PITPNM2: variants seen among roughly 807,000 people sequenced by gnomAD.
PITPNM2 encodes the protein phosphatidylinositol transfer protein membrane associated 2, also known as membrane-associated phosphatidylinositol transfer protein 2.
PITPNM2 carries 35 observed loss-of-function variants against 132.2 expected under a neutral mutation model. The observed-to-expected ratio is 0.26, with a 90% confidence interval of 0.20 to 0.35. The LOEUF (loss-of-function observed/expected upper bound fraction) is 0.35, where lower values mean the gene tolerates loss of function less well. PITPNM2 is among the 10% of genes least tolerant of loss of function. PITPNM2 has a pLI of 1.00. For synonymous variants in PITPNM2, 738 were observed against 799.2 expected, an observed-to-expected ratio of 0.92 and a Z score of 1.29; for missense variants, 1,332 against 1,912.0, an observed-to-expected ratio of 0.70 and a Z score of 5.66.
intron 3 of PITPNM2, among the ~76,000 whole-genome samples, chr12:123,032,591 G>A (rs1368903632): frequency 6.6e-6 from 1 of 152,200 alleles, no homozygotes; most frequent in Non-Finnish European, 1.5e-5. Flanking sequence ...GGGGCTGGAG[G>A]TCAGTCCTCC....
intron 2 of PITPNM2, among the ~76,000 whole-genome samples, chr12:123,073,749 T>C (rs904882813): frequency 6.6e-6 from 1 of 152,220 alleles, no homozygotes; most frequent in Admixed American, 6.5e-5. Context: ...TTTTCCACAG[T>C]GTAGAGTGGC....
rs915072521 is a variant in PITPNM2, at chr12:123,064,965, C to T, written c.-95-30280G>A. 5.9e-5 allele frequency among the ~76,000 whole-genome samples: 9 copies of T among 152,240 alleles called. No individual in the cohort carries two copies. The highest frequency in any genetic ancestry group is 5.9e-4 in the Admixed American group (9 of 15,292). Reference sequence around the variant, plus strand: ...GAGGTGACAGTGAGGCACTGGGCACCTGAGATGTCCTCAGCCTGGGCCTGC... The same window carrying T: ...GAGGTGACAGTGAGGCACTGGGCACTTGAGATGTCCTCAGCCTGGGCCTGC... On this transcript the variant is annotated intron_variant, in intron 2 of 25. Transcript: ENST00000320201. The surrounding 1 kb of genome is among the most constrained non-coding windows in gnomAD (Gnocchi z 4.0).
chr12:122,998,197 C>T lies in PITPNM2; in HGVS notation c.1225-625G>A, dbSNP rs554637442. On this transcript the variant is annotated intron_variant, in intron 10 of 25. Transcript: ENST00000320201. ...CCTAAGGCCCTGCCATTCCTGGCCTCTCTCTAAGACCAGGGTCTCCAAAAG... is the reference window on the plus strand; with the variant it reads ...CCTAAGGCCCTGCCATTCCTGGCCTTTCTCTAAGACCAGGGTCTCCAAAAG... Among the ~76,000 whole-genome samples, 3 of 152,360 alleles carry T rather than the reference C, an allele frequency of 2.0e-5. No homozygotes were observed. In the East Asian group the frequency reaches 5.8e-4, roughly 29 times the overall value.
rs1164106880 is a variant in PITPNM2, at chr12:123,008,095, G to A, written c.643+1755C>T. On this transcript the variant is annotated intron_variant, in intron 6 of 25. Transcript: ENST00000320201. The surrounding 1 kb of genome is among the most constrained non-coding windows in gnomAD (Gnocchi z 4.1). ...GAGAAAAGCAAAGCTCAGTGAGGCT[G>A]AGAGACCACAGAGCCACTACGTGTG... Among the ~76,000 whole-genome samples the A allele has an allele frequency of 1.3e-5, 2 of 152,228 alleles. No homozygotes were observed. Among genetic ancestry groups the A allele is most frequent in the Admixed American group, 1.3e-4 (2 of 15,288 alleles).
rs2042775463 is a variant in PITPNM2, at chr12:123,108,825, G to A, written c.-96+1560C>T. Among the ~76,000 whole-genome samples, 1 of 152,152 alleles carries A rather than the reference G, an allele frequency of 6.6e-6. No individual in the cohort carries two copies. The highest frequency in any genetic ancestry group is 2.4e-5 in the African/African-American group (1 of 41,436). ...CAACGTGCCCTATCTTCCCAGCAAG[G>A]ATGAGGGCACCCGGAGAAGGGAAGG... On this transcript the variant is annotated intron_variant, in intron 2 of 25. Transcript: ENST00000320201. This position sits in a 1 kb window ranked among gnomAD's most constrained non-coding sequence, Gnocchi z 4.4.
In PITPNM2 at chr12:122,992,759, T is replaced by G; in HGVS notation, c.2234-90A>C. The stretch of plus-strand genomic sequence containing the variant: ...AATTTGGGAACTGGGCACTGGGTTG[T>G]CTGCTGAAAGTTAGGGATAAGATGG... On this transcript the variant is annotated intron_variant, in intron 15 of 25. Coordinates refer to ENST00000320201, the MANE Select transcript of PITPNM2 (RefSeq NM_020845.3). This position sits in a 1 kb window ranked among gnomAD's most constrained non-coding sequence, Gnocchi z 6.5. The G allele has an allele frequency of 9.5e-7, 1 of 1,057,528 alleles. No individual in the cohort carries two copies. The highest frequency in any genetic ancestry group is 1.4e-6 in the Non-Finnish European group (1 of 732,094). The allele number at this position is 1,057,528 out of a possible 1,614,324, so 65.5% of individuals were successfully genotyped here. A position where few individuals can be genotyped will look rare whatever the true frequency, so the allele number is the denominator to read the frequency against.
intron 1 of PITPNM2, among the ~76,000 whole-genome samples, chr12:123,145,073 A>G (rs1378239511): frequency 6.6e-6 from 1 of 152,112 alleles, no homozygotes; most frequent in Non-Finnish European, 1.5e-5. Context: ...GCTACTCAGG[A>G]GGCTGAGGCA....
At position 123,000,193 on chromosome 12, in the gene PITPNM2, G is replaced by C; in HGVS notation, c.1224+585C>G. Reference sequence around the variant, plus strand: ...GGTGACCGCAGGTGATGGTGGGACAGCCCAGCTCAGCCCTGGCTCCTGTCC... The same window carrying C: ...GGTGACCGCAGGTGATGGTGGGACACCCCAGCTCAGCCCTGGCTCCTGTCC... On this transcript the variant is annotated intron_variant, in intron 10 of 25. Transcript: ENST00000320201. The surrounding 1 kb of genome is among the most constrained non-coding windows in gnomAD (Gnocchi z 5.4). 2 of 584,596 alleles carry C rather than the reference G, an allele frequency of 3.4e-6. No individual in the cohort carries two copies. The highest frequency in any genetic ancestry group is 6.1e-6 in the Non-Finnish European group (2 of 328,536). 36.2% of individuals were successfully genotyped at this position (584,596 alleles called of 1,614,324 possible). A position where few individuals can be genotyped will look rare whatever the true frequency, so the allele number is the denominator to read the frequency against.
At position 123,008,470 on chromosome 12, in the gene PITPNM2, A is replaced by G. The variant is rs2039034512; in HGVS notation, c.643+1380T>C. Among the ~76,000 whole-genome samples, 1 of 152,118 alleles carries G rather than the reference A, an allele frequency of 6.6e-6. No individual in the cohort carries two copies. The highest frequency in any genetic ancestry group is 2.4e-5 in the African/African-American group (1 of 41,408). On this transcript the variant is annotated intron_variant, in intron 6 of 25. Transcript: ENST00000320201. This position sits in a 1 kb window ranked among gnomAD's most constrained non-coding sequence, Gnocchi z 4.1. ...GGGAGCCCCTCCCAGTCCTGCCCAC[A>G]TGCTCCTCCACTCCTCATATTGCCT...
intron 2 of PITPNM2, among the ~76,000 whole-genome samples, chr12:123,102,784 A>AG (rs1325232848): frequency 6.6e-6 from 1 of 152,232 alleles, no homozygotes; most frequent in East Asian, 1.9e-4. Context: ...CAATGAGAGG[A>AG]CACCCCACAG....
At position 123,110,443 on chromosome 12, in the gene PITPNM2, AG is replaced by A. The variant is rs1457231111; in HGVS notation, c.-155del. The A allele has an allele frequency of 3.9e-5, 6 of 152,322 alleles. No homozygotes were observed. Among genetic ancestry groups the A allele is most frequent in the African/African-American group, 1.4e-4 (6 of 41,436 alleles). The allele number at this position is 152,322 out of a possible 1,614,324, so 9.4% of individuals were successfully genotyped here. A position where few individuals can be genotyped will look rare whatever the true frequency, so the allele number is the denominator to read the frequency against. ...GTCAAAGGAGGAGAAATGGGTCCCT[AG>A]GCTCACAGAAGGTTGTTGAGGACCA... On this transcript the variant is annotated 5_prime_UTR_variant, in exon 2 of 26. The change abolishes the stop of an existing upstream ORF in the 5' untranslated region. Transcript: ENST00000320201.
chr12:122,988,503 A>C (rs2038037119), intron 19 of PITPNM2, among the ~76,000 whole-genome samples, 153 bp from the exon 20 acceptor site: 1 of 151,792 alleles, frequency 6.6e-6, no homozygotes, highest in African/African-American at 2.4e-5. Flanking sequence ...TAGCCCTCAG[A>C]CCCCTGTTCG....
intron 2 of PITPNM2, among the ~76,000 whole-genome samples, chr12:123,055,433 G>A (rs1042481331): frequency 6.6e-5 from 10 of 152,300 alleles, no homozygotes; most frequent in Non-Finnish European, 8.8e-5. Context: ...GGCTTCTCCC[G>A]TCTAAGGAAG....
intron 2 of PITPNM2, among the ~76,000 whole-genome samples, chr12:123,041,735 G>A (rs1325814482): frequency 6.6e-6 from 1 of 150,946 alleles, no homozygotes; most frequent in Non-Finnish European, 1.5e-5. Context: ...CACAGACAGA[G>A]AAAAAAAAAC....
intron 1 of PITPNM2, among the ~76,000 whole-genome samples, chr12:123,126,989 A>G (rs962639427): frequency 6.6e-6 from 1 of 152,210 alleles, no homozygotes; most frequent in African/African-American, 2.4e-5. Flanking sequence ...TGCCCTCAGC[A>G]TGGTGGTCTA....
At chr12:123,133,624 A>G (rs578232540) in intron 1 of PITPNM2, among the ~76,000 whole-genome samples, 2 of 152,292 alleles carry the variant, frequency 1.3e-5, no homozygotes, top group South Asian at 2.1e-4. Flanking sequence ...TAAATCTTCC[A>G]TGATAATGTT....
intron 2 of PITPNM2, among the ~76,000 whole-genome samples, chr12:123,038,838 AC>A (rs2040366086): frequency 6.6e-6 from 1 of 152,150 alleles, no homozygotes; most frequent in African/African-American, 2.4e-5. Flanking sequence ...GGTGGCTCAC[AC>A]CTATAATCCT....
intron 2 of PITPNM2, among the ~76,000 whole-genome samples, chr12:123,080,177 G>A (rs1398099214): frequency 6.6e-6 from 1 of 152,136 alleles, no homozygotes; most frequent in Admixed American, 6.5e-5. Context: ...TTATCCATCA[G>A]CCAATGGACA....
Position 123,005,419 on chromosome 12 carries a change from G to A in PITPNM2, c.773C>T (p.Ala258Val). 6.2e-7 allele frequency: 1 copy of A among 1,614,118 alleles called. No homozygotes were observed. The highest frequency in any genetic ancestry group is 8.5e-7 in the Non-Finnish European group (1 of 1,180,030). ...CTCCTCACCATCCTCATTGAACTGG[G>A]CCATCTTACGGGAAAGCATGAGCTG... ...EAQLMLSRKM[A>V]QFNEDGEEAT... The change falls in exon 7 of 26, where the codon GCC becomes GTC. Residue 258 changes from alanine (A) to valine (V), a missense_variant. Coordinates refer to ENST00000320201, the MANE Select transcript of PITPNM2 (RefSeq NM_020845.3). This position sits in a 1 kb window ranked among gnomAD's most constrained non-coding sequence, Gnocchi z 6.2.
Sources: gnomAD v4.1 joint callset for allele counts (sites outside exome capture counted in the v4.1 genomes callset) on GRCh38, gnomAD v4.1.1 for gene constraint, Gnocchi (gnomAD v3.1) non-coding constraint, MANE v1.5 for transcripts, NCBI Gene and HGNC (gene_info 2026-07-23, HGNC 2026-07-21) for gene names.